The following CAST variants were observed in gnomAD, a reference collection of about 807,000 sequenced individuals.
CAST encodes calpastatin, also known as MIR583 host.
CAST carries 76 observed loss-of-function variants against 119.6 expected under a neutral mutation model. The ratio of observed to expected loss-of-function variants is 0.64; its 90% CI spans 0.53 to 0.77. The LOEUF (loss-of-function observed/expected upper bound fraction) is 0.77. Ranked by LOEUF, CAST falls within the 30% of genes least tolerant of loss-of-function variation. The pLI is 0.00. For synonymous variants in CAST, 319 were observed against 331.6 expected (o/e 0.96, Z 0.41); for missense variants, 953 against 946.5 (o/e 1.01, Z -0.09).
intron 3 of CAST, among the ~76,000 whole-genome samples, chr5:96,703,744 C>T (rs779914995): frequency 6.6e-6 from 1 of 152,168 alleles, no homozygotes; most frequent in Non-Finnish European, 1.5e-5. Context: ...AATGCTTAAT[C>T]AGCAGCTCTG....
the CAST span, among the ~76,000 whole-genome samples, chr5:96,068,967 G>A: frequency 8.0e-5 from 12 of 149,196 alleles, no homozygotes; most frequent in East Asian, 4.0e-4. Context: ...GGATGTATGC[G>A]TGTATGTATG....
chr5:96,417,985 C>T, the CAST span, among the ~76,000 whole-genome samples: 1 of 152,194 alleles, frequency 6.6e-6, no homozygotes. Flanking sequence ...GAATCCAGTG[C>T]AGGTCTTCAG....
chr5:96,172,961 A>G, the CAST span, among the ~76,000 whole-genome samples: 2 of 152,244 alleles, frequency 1.3e-5, no homozygotes, highest in Admixed American at 6.5e-5. Context: ...TTTTGGGCAC[A>G]TATGCCACTA....
chr5:95,985,243 G>C, the CAST span, among the ~76,000 whole-genome samples: 1 of 152,206 alleles, frequency 6.6e-6, no homozygotes, highest in African/African-American at 2.4e-5. Flanking sequence ...GAGCCCAGGA[G>C]TTCAAGGCTG....
chr5:96,628,530 G>C (rs1747765382), intron 1 of CAST, among the ~76,000 whole-genome samples: 1 of 152,142 alleles, frequency 6.6e-6, no homozygotes, highest in Non-Finnish European at 1.5e-5. Context: ...AAGAATCTGG[G>C]GGGCTGGGTG....
the CAST span, among the ~76,000 whole-genome samples, chr5:96,279,393 C>T: frequency 1.3e-5 from 2 of 152,146 alleles, no homozygotes; most frequent in African/African-American, 2.4e-5. Context: ...CCAAACCAGG[C>T]CTGCACTGCA....
At chr5:96,054,466 T>G in the CAST span, among the ~76,000 whole-genome samples, 1 of 152,126 alleles carries the variant, frequency 6.6e-6, no homozygotes, top group East Asian at 1.9e-4. Flanking sequence ...TTTCTGTAAG[T>G]CTTATTCATC....
At chr5:96,393,831 C>T in the CAST span, among the ~76,000 whole-genome samples, 2 of 152,142 alleles carry the variant, frequency 1.3e-5, no homozygotes, top group South Asian at 2.1e-4. Flanking sequence ...CAGAACTACC[C>T]TTTTAGCCAC....
At chr5:96,680,369 AAAAAAAAAAAG>A (rs1580940533) in intron 2 of CAST, among the ~76,000 whole-genome samples, 1 of 140,322 alleles carries the variant, frequency 7.1e-6, no homozygotes, top group East Asian at 2.0e-4. Context: ...AAAAAAAAAA[AAAAAAAAAAAG>A]AAGAAGAAGA....
At chr5:96,138,691 T>G in the CAST span, among the ~76,000 whole-genome samples, 1 of 151,972 alleles carries the variant, frequency 6.6e-6, no homozygotes, top group African/African-American at 2.4e-5. Flanking sequence ...TATATATACA[T>G]AAGTATTTTA....
intron 3 of CAST, among the ~76,000 whole-genome samples, chr5:96,710,409 G>C (rs927629218): frequency 6.6e-6 from 1 of 152,072 alleles, no homozygotes; most frequent in Non-Finnish European, 1.5e-5. Flanking sequence ...TTAGAATTAC[G>C]TGAGAGGCTT....
the CAST span, among the ~76,000 whole-genome samples, chr5:96,444,672 C>T: frequency 3.3e-5 from 5 of 151,932 alleles, no homozygotes; most frequent in Non-Finnish European, 7.4e-5. Context: ...TCCTGTTCTT[C>T]TCTCATGGTT....
the CAST span, among the ~76,000 whole-genome samples, chr5:96,412,149 C>T: frequency 6.6e-6 from 1 of 152,210 alleles, no homozygotes; most frequent in South Asian, 2.1e-4. Flanking sequence ...AGCCTTAACT[C>T]CCATCCCTCT....
the CAST span, among the ~76,000 whole-genome samples, chr5:96,368,270 C>A: frequency 4.6e-5 from 7 of 152,012 alleles, no homozygotes; most frequent in African/African-American, 1.7e-4. Context: ...GTGGCCAATG[C>A]GGGTGGATCA....
the CAST span, among the ~76,000 whole-genome samples, chr5:96,244,369 C>T: frequency 6.6e-6 from 1 of 152,086 alleles, no homozygotes; most frequent in African/African-American, 2.4e-5. Flanking sequence ...CTTATTCCTT[C>T]TAAATATAGT....
chr5:96,738,458 C>G (rs1395769465), intron 11 of CAST, among the ~76,000 whole-genome samples: 1 of 152,148 alleles, frequency 6.6e-6, no homozygotes, highest in African/African-American at 2.4e-5. Flanking sequence ...ATTGAGTTAG[C>G]AAACATTTGT....
the CAST span, among the ~76,000 whole-genome samples, chr5:95,991,920 T>C: frequency 1.3e-5 from 2 of 152,198 alleles, no homozygotes; most frequent in Non-Finnish European, 2.9e-5. Flanking sequence ...TCTATGTGTG[T>C]AACAAAATAT....
At chr5:96,187,242 T>C in the CAST span, among the ~76,000 whole-genome samples, 1 of 152,150 alleles carries the variant, frequency 6.6e-6, no homozygotes, top group East Asian at 1.9e-4. Flanking sequence ...TTCTCTCTTT[T>C]CTTCTTTATT....
the CAST span, among the ~76,000 whole-genome samples, chr5:96,164,072 G>A: frequency 6.6e-6 from 1 of 152,066 alleles, no homozygotes; most frequent in African/African-American, 2.4e-5. Context: ...GACTTCAATA[G>A]TAAGCACTTA....
Sources: gnomAD v4.1 joint callset for allele counts (sites outside exome capture counted in the v4.1 genomes callset) on GRCh38, gnomAD v4.1.1 for gene constraint, MANE v1.5 for transcripts, NCBI Gene and HGNC (gene_info 2026-07-23, HGNC 2026-07-21) for gene names.